XKR6: variants seen among roughly 807,000 people sequenced by gnomAD.
The protein encoded by XKR6 is XK-related protein 6.
Under a neutral mutation model 56.7 loss-of-function variants are expected in XKR6, and 22 were observed. That is an observed-to-expected ratio of 0.39 (90% CI 0.28 to 0.55). The LOEUF (loss-of-function observed/expected upper bound fraction) is 0.55. Ranked by LOEUF, XKR6 falls within the 20% of genes least tolerant of loss-of-function variation. XKR6 has a pLI of 0.66. For missense variants in XKR6, 852 were observed against 889.0 expected (o/e 0.96, Z 0.53); for synonymous variants, 524 against 387.8 (o/e 1.35, Z -4.13).
At chr8:11,069,934 AC>A (rs1374653391) in intron 1 of XKR6, among the ~76,000 whole-genome samples, 1 of 152,148 alleles carries the variant, frequency 6.6e-6, no homozygotes, top group Non-Finnish European at 1.5e-5. Flanking sequence ...CTTGATATTG[AC>A]CCAAGGATTA....
intron 2 of XKR6, among the ~76,000 whole-genome samples, chr8:10,916,061 C>A (rs1800555543): frequency 6.6e-6 from 1 of 152,232 alleles, no homozygotes; most frequent in African/African-American, 2.4e-5. Flanking sequence ...TTGGAGACAC[C>A]TGACCCCAAG....
chr8:10,984,695 G>GCTCTCT lies in XKR6; in HGVS notation c.765-59871_765-59866dup, dbSNP rs61138077. On this transcript the variant is annotated intron_variant, in intron 1 of 2. Transcript: ENST00000416569. ...AGTAACACAAAAGATAAAATACATG[G>GCTCTCT]CTCTCTCTCTCTCTCTCTCTCTCTC... 9.9e-3 allele frequency among the ~76,000 whole-genome samples: 557 copies of GCTCTCT among 56,206 alleles called. 7 individuals carry two copies. The highest frequency in any genetic ancestry group is 0.015 in the Non-Finnish European group (404 of 27,322). The allele number at this position is 56,206 out of a possible 152,430, so 36.9% of individuals were successfully genotyped here.
At chr8:10,980,703 A>G (rs1797712068) in intron 1 of XKR6, among the ~76,000 whole-genome samples, 1 of 152,068 alleles carries the variant, frequency 6.6e-6, no homozygotes, top group Admixed American at 6.5e-5. Flanking sequence ...GACCTACCCA[A>G]GTTGTATGGA....
intron 1 of XKR6, among the ~76,000 whole-genome samples, chr8:11,176,098 T>G (rs569163902): frequency 6.6e-6 from 1 of 152,344 alleles, no homozygotes; most frequent in Admixed American, 6.5e-5. Context: ...GTATAATGAA[T>G]GTTTCCAAAA....
chr8:11,075,626 T>C, intron 1 of XKR6, among the ~76,000 whole-genome samples: 1 of 152,176 alleles, frequency 6.6e-6, no homozygotes, highest in East Asian at 1.9e-4. Flanking sequence ...AGCTCACATC[T>C]GTAATCCCAG....
At chr8:11,035,864 C>T (rs1799128058) in intron 1 of XKR6, among the ~76,000 whole-genome samples, 1 of 151,888 alleles carries the variant, frequency 6.6e-6, no homozygotes, top group Non-Finnish European at 1.5e-5. Flanking sequence ...TCTGATTCTA[C>T]CTACATCTAG....
chr8:11,066,811 C>T (rs1395459797), intron 1 of XKR6: 1 of 152,218 alleles, frequency 6.6e-6, no homozygotes, highest in Non-Finnish European at 1.5e-5. Context: ...CTTACTCTCC[C>T]CACCTGCAAC....
intron 1 of XKR6, among the ~76,000 whole-genome samples, chr8:11,155,929 T>C (rs1161546333): frequency 2.6e-5 from 4 of 152,230 alleles, no homozygotes; most frequent in African/African-American, 7.2e-5. Context: ...TCTCTCCTGA[T>C]GCAATGAAGG....
chr8:11,125,972 C>T (rs1799763411), intron 1 of XKR6: 2 of 152,244 alleles, frequency 1.3e-5, no homozygotes, highest in African/African-American at 4.8e-5. Flanking sequence ...TTGATGGAAA[C>T]TCTAAATCTC....
chr8:10,964,291 A>G (rs1295240702), intron 1 of XKR6, among the ~76,000 whole-genome samples: 1 of 152,110 alleles, frequency 6.6e-6, no homozygotes, highest in Non-Finnish European at 1.5e-5. Context: ...GGCTTCTAGG[A>G]CACCTTCTAG....
chr8:10,982,822 G>A (rs551609010), intron 1 of XKR6, among the ~76,000 whole-genome samples: 12 of 152,284 alleles, frequency 7.9e-5, no homozygotes, highest in Admixed American at 6.5e-5. Context: ...GGACAAGAAC[G>A]TATTCAGAGA....
chr8:11,065,383 C>A (rs1018801327), intron 1 of XKR6, among the ~76,000 whole-genome samples: 26 of 152,162 alleles, frequency 1.7e-4, no homozygotes, highest in African/African-American at 5.6e-4. Flanking sequence ...AAATCCTTGG[C>A]CAGCTCCACC....
intron 1 of XKR6, among the ~76,000 whole-genome samples, chr8:11,071,304 A>T (rs1800107625): frequency 6.6e-6 from 1 of 152,052 alleles, no homozygotes; most frequent in Admixed American, 6.5e-5. Flanking sequence ...CAATGGCATG[A>T]TCTCGGCTCA....
chr8:10,960,008 A>G (rs1586357839), intron 1 of XKR6, among the ~76,000 whole-genome samples: 1 of 151,612 alleles, frequency 6.6e-6, no homozygotes, highest in South Asian at 2.2e-4. Context: ...CCTGAAGGTC[A>G]GGGGGGGGCC....
intron 1 of XKR6, among the ~76,000 whole-genome samples, chr8:11,147,876 G>A (rs1319799507): frequency 6.6e-6 from 1 of 152,050 alleles, no homozygotes; most frequent in African/African-American, 2.4e-5. Context: ...ATCTCAGAAT[G>A]TGGCTGTATT....
At chr8:11,081,380 G>A (rs1797716842) in intron 1 of XKR6, among the ~76,000 whole-genome samples, 1 of 152,166 alleles carries the variant, frequency 6.6e-6, no homozygotes, top group Admixed American at 6.5e-5. Context: ...CTTGATTAAG[G>A]TCTTAGCACG....
At chr8:10,905,994 A>G (rs375102595) in intron 2 of XKR6, among the ~76,000 whole-genome samples, 29 of 152,332 alleles carry the variant, frequency 1.9e-4, no homozygotes, top group African/African-American at 6.5e-4. Flanking sequence ...GGAAGAAAAC[A>G]AGCATCCTGA....
At chr8:10,961,423 C>G (rs930603950) in intron 1 of XKR6, among the ~76,000 whole-genome samples, 3 of 152,202 alleles carry the variant, frequency 2.0e-5, no homozygotes, top group Admixed American at 6.5e-5. Context: ...TTGGGCCTGG[C>G]ATCCTCAGAG....
chr8:11,036,168 T>C (rs1051262878), intron 1 of XKR6, among the ~76,000 whole-genome samples: 1 of 151,820 alleles, frequency 6.6e-6, no homozygotes, highest in Non-Finnish European at 1.5e-5. Context: ...GGTTGGTCTC[T>C]AACTCCTGGG....
Sources: gnomAD v4.1 joint callset for allele counts (sites outside exome capture counted in the v4.1 genomes callset) on GRCh38, gnomAD v4.1.1 for gene constraint, MANE v1.5 for transcripts, NCBI Gene and HGNC (gene_info 2026-07-23, HGNC 2026-07-21) for gene names.